ADGRL3: variants seen among roughly 807,000 people sequenced by gnomAD.
The protein encoded by ADGRL3 is calcium-independent alpha-latrotoxin receptor 3.
ADGRL3 carries 62 observed loss-of-function variants against 153.5 expected under a neutral mutation model. That is an observed-to-expected ratio of 0.40 (90% confidence interval 0.33 to 0.50). ADGRL3 has a LOEUF of 0.50. Ranked by LOEUF, ADGRL3 falls within the 20% of genes least tolerant of loss-of-function variation. The pLI, the probability that ADGRL3 is intolerant of heterozygous loss-of-function variation, is 0.47. For synonymous variants in ADGRL3, 710 were observed against 672.5 expected (o/e 1.06, Z -0.86); for missense variants, 1,641 against 1,859.4 (o/e 0.88, Z 2.16).
intron 6 of ADGRL3, among the ~76,000 whole-genome samples, chr4:61,706,770 C>A (rs1043349262): frequency 6.6e-6 from 1 of 152,078 alleles, no homozygotes; most frequent in Admixed American, 6.6e-5. Context: ...AAAACTTTTT[C>A]CATATCGGCA....
At chr4:61,379,466 C>T (rs1449223570) in intron 1 of ADGRL3, among the ~76,000 whole-genome samples, 1 of 151,960 alleles carries the variant, frequency 6.6e-6, no homozygotes, top group Non-Finnish European at 1.5e-5. Flanking sequence ...CAAAAAGATA[C>T]TCCATCATAA....
At chr4:61,562,944 CAA>C (rs35146786) in intron 4 of ADGRL3, among the ~76,000 whole-genome samples, 24,165 of 105,744 alleles carry the variant, frequency 0.23, 2,123 homozygotes, top group Non-Finnish European at 0.27. Flanking sequence ...GACCCTGTCT[CAA>C]AAAAAAAAAA....
At chr4:61,818,826 T>C (rs1465650172) in intron 9 of ADGRL3, among the ~76,000 whole-genome samples, 1 of 152,150 alleles carries the variant, frequency 6.6e-6, no homozygotes, top group Admixed American at 6.6e-5. Flanking sequence ...AATTGTTCAA[T>C]CCAATTGCAG....
In ADGRL3 at chr4:61,520,237, T is replaced by C. The variant is rs2098521675; in HGVS notation, c.259+2719T>C. On this transcript the variant is annotated intron_variant, in intron 4 of 26. Coordinates refer to ENST00000683033, the MANE Select transcript of ADGRL3 (RefSeq NM_001387552.1). ...GAGGGCAGATTTCCCAGTTAATGAC[T>C]AGATATCAAGGCTTTCCCTAGAAGC... Among the ~76,000 whole-genome samples, 5 of 152,266 alleles carry C rather than the reference T, an allele frequency of 3.3e-5. 1 individual carries two copies. The South Asian group carries it at 1.0e-3, about 32-fold the overall frequency.
intron 25 of ADGRL3, among the ~76,000 whole-genome samples, chr4:62,057,447 A>T (rs1737649122): frequency 6.6e-6 from 1 of 152,174 alleles, no homozygotes; most frequent in South Asian, 2.1e-4. Flanking sequence ...GGTATAAAGT[A>T]AAAAAGAAGA....
chr4:61,353,041 T>G (rs181363305), intron 1 of ADGRL3, among the ~76,000 whole-genome samples: 1 of 152,284 alleles, frequency 6.6e-6, no homozygotes, highest in East Asian at 1.9e-4. Flanking sequence ...AAAGGGATCT[T>G]TTTGGCTCAG....
At chr4:61,691,110 A>T (rs1231852706) in intron 6 of ADGRL3, among the ~76,000 whole-genome samples, 2 of 152,030 alleles carry the variant, frequency 1.3e-5, no homozygotes, top group Non-Finnish European at 2.9e-5. Context: ...TGTCTTTAGA[A>T]CTCTGTACTT....
At chr4:61,746,693 G>A (rs995333266) in intron 8 of ADGRL3, among the ~76,000 whole-genome samples, 199 of 152,300 alleles carry the variant, frequency 1.3e-3, no homozygotes, top group South Asian at 3.1e-3. Context: ...GAATCTCTGG[G>A]ACATATTCAA....
At chr4:61,998,903 C>T (rs1209234998) in intron 21 of ADGRL3, among the ~76,000 whole-genome samples, 4 of 151,940 alleles carry the variant, frequency 2.6e-5, no homozygotes, top group South Asian at 2.1e-4. Flanking sequence ...GAGCAATTAC[C>T]GCATCACTTC....
chr4:61,463,099 A>G (rs951443923), intron 2 of ADGRL3, among the ~76,000 whole-genome samples: 4 of 152,206 alleles, frequency 2.6e-5, no homozygotes, highest in Non-Finnish European at 5.9e-5. Context: ...CCTAGTTTCT[A>G]GATATGGTTA....
chr4:61,445,471 A>G lies in ADGRL3; in HGVS notation c.-173-51650A>G, dbSNP rs554732571. Reference sequence around the variant, plus strand: ...GTTCACTGTTTAACTTGGGTTCTAAAGTGCAAAGAAAAAGATGTAATAGGA... The same window carrying G: ...GTTCACTGTTTAACTTGGGTTCTAAGGTGCAAAGAAAAAGATGTAATAGGA... On this transcript the variant is annotated intron_variant, in intron 2 of 26. Transcript: ENST00000683033. 2.6e-5 allele frequency among the ~76,000 whole-genome samples: 4 copies of G among 152,338 alleles called. No individual in the cohort carries two copies. The South Asian group carries it at 8.3e-4, about 32-fold the overall frequency.
At chr4:61,485,653 A>G (rs2098182897) in intron 2 of ADGRL3, among the ~76,000 whole-genome samples, 1 of 152,162 alleles carries the variant, frequency 6.6e-6, no homozygotes, top group South Asian at 2.1e-4. Context: ...AAGAAAGTGT[A>G]AGTAAATGTG....
At chr4:61,425,686 T>G (rs115263790) in intron 2 of ADGRL3, among the ~76,000 whole-genome samples, 476 of 152,304 alleles carry the variant, frequency 3.1e-3, no homozygotes, top group Middle Eastern at 0.01. Context: ...GGAGCTCATA[T>G]TAGGCCACAC....
At chr4:61,973,135 G>A (rs1295496612) in intron 17 of ADGRL3, among the ~76,000 whole-genome samples, 1 of 151,484 alleles carries the variant, frequency 6.6e-6, no homozygotes, top group Non-Finnish European at 1.5e-5. Flanking sequence ...TTGCTGACTT[G>A]CTTTTTTGAC....
chr4:61,548,435 T>A (rs1054187295), intron 4 of ADGRL3, among the ~76,000 whole-genome samples: 3 of 152,138 alleles, frequency 2.0e-5, no homozygotes, highest in African/African-American at 7.2e-5. Context: ...GAGCCTTTAA[T>A]CCATCTTTAG....
intron 5 of ADGRL3, among the ~76,000 whole-genome samples, chr4:61,674,045 T>C (rs1054386054): frequency 4.6e-5 from 7 of 151,306 alleles, no homozygotes; most frequent in African/African-American, 1.7e-4. Flanking sequence ...GTAACTAATA[T>C]TTACAACAGA....
intron 6 of ADGRL3, among the ~76,000 whole-genome samples, chr4:61,713,791 C>T (rs1363080902): frequency 6.6e-6 from 1 of 152,018 alleles, no homozygotes; most frequent in Non-Finnish European, 1.5e-5. Flanking sequence ...AACATATTTT[C>T]TCTCATCTAA....
chr4:61,546,976 G>A (rs780549062), intron 4 of ADGRL3, among the ~76,000 whole-genome samples: 1 of 152,090 alleles, frequency 6.6e-6, no homozygotes, highest in South Asian at 2.1e-4. Flanking sequence ...TCATTTATCA[G>A]TTACAACCAT....
chr4:61,271,900 G>A (rs1018736549), intron 1 of ADGRL3, among the ~76,000 whole-genome samples: 1 of 151,982 alleles, frequency 6.6e-6, no homozygotes, highest in African/African-American at 2.4e-5. Context: ...CTAGATGCTT[G>A]CTGTTCATTT....
Sources: allele counts gnomAD v4.1 joint callset (sites outside exome capture counted in the v4.1 genomes callset), GRCh38; gene constraint gnomAD v4.1.1; transcripts MANE v1.5; gene names NCBI Gene and HGNC (gene_info 2026-07-23, HGNC 2026-07-21).